SERGEF: variants seen among roughly 807,000 people sequenced by gnomAD.
SERGEF encodes the protein secretion regulating guanine nucleotide exchange factor.
A neutral mutation model predicts 50.0 loss-of-function variants in SERGEF; 51 were observed. That is an observed-to-expected ratio of 1.02 (90% CI 0.81 to 1.29). The LOEUF is 1.29. Among genes scored for constraint, SERGEF ranks in the 50% most tolerant of loss-of-function variants. The pLI is 0.00. For missense variants in SERGEF, 521 were observed against 557.0 expected (o/e 0.94, Z 0.65); for synonymous variants, 205 against 212.4 (o/e 0.97, Z 0.30).
chr11:17,984,513 C>A (rs1041687846), intron 8 of SERGEF, among the ~76,000 whole-genome samples: 1 of 152,210 alleles, frequency 6.6e-6, no homozygotes, highest in Non-Finnish European at 1.5e-5. Context: ...AATCACCTCC[C>A]ATCAGGCCCC....
At chr11:17,949,800 G>A (rs1434105739) in intron 9 of SERGEF, among the ~76,000 whole-genome samples, 1 of 152,148 alleles carries the variant, frequency 6.6e-6, no homozygotes, top group African/African-American at 2.4e-5. Flanking sequence ...GGTGGATAAT[G>A]ACACTACGCA....
intron 9 of SERGEF, among the ~76,000 whole-genome samples, chr11:17,889,873 T>C (rs75207521): frequency 0.021 from 3,161 of 151,918 alleles, 163 homozygotes; most frequent in East Asian, 0.2. Context: ...GTGGTGAAAG[T>C]TTAGAATAAT....
At chr11:17,996,652 G>A (rs934373358) in intron 5 of SERGEF, among the ~76,000 whole-genome samples, 2 of 152,150 alleles carry the variant, frequency 1.3e-5, no homozygotes, top group Non-Finnish European at 2.9e-5. Context: ...CAACATTAAG[G>A]TTCTGCTCCT....
intron 10 of SERGEF, among the ~76,000 whole-genome samples, chr11:17,860,930 C>T (rs1228868164): frequency 6.6e-6 from 1 of 152,182 alleles, no homozygotes; most frequent in Non-Finnish European, 1.5e-5. Flanking sequence ...AAGGGATCAT[C>T]ATGAGATGGT....
intron 10 of SERGEF, among the ~76,000 whole-genome samples, chr11:17,797,249 C>T (rs956709891): frequency 3.9e-5 from 6 of 152,216 alleles, no homozygotes; most frequent in African/African-American, 1.2e-4. Flanking sequence ...AGTGGCTTCT[C>T]CTGTTACTCA....
At chr11:17,914,587 T>A (rs1852013922) in intron 9 of SERGEF, among the ~76,000 whole-genome samples, 1 of 152,004 alleles carries the variant, frequency 6.6e-6, no homozygotes, top group Non-Finnish European at 1.5e-5. Context: ...CTCAGCTAAG[T>A]ATTTTATTTT....
At chr11:17,989,858 A>G (rs892234609) in intron 7 of SERGEF, among the ~76,000 whole-genome samples, 9 of 152,222 alleles carry the variant, frequency 5.9e-5, no homozygotes, top group Non-Finnish European at 1.0e-4. Flanking sequence ...GATATGGGTT[A>G]CATGTTGAAA....
intron 9 of SERGEF, among the ~76,000 whole-genome samples, chr11:17,882,418 C>CA (rs770460948): frequency 0.27 from 17,967 of 67,506 alleles, 1,768 homozygotes; most frequent in Middle Eastern, 0.39. Context: ...GAGTCAGTCT[C>CA]AAAAAAAAAA....
chr11:17,963,109 G>C (rs1322593530), intron 8 of SERGEF, among the ~76,000 whole-genome samples: 1 of 149,548 alleles, frequency 6.7e-6, no homozygotes, highest in Non-Finnish European at 1.5e-5. Context: ...TTGAACCTGG[G>C]AGGCAGAGGT....
At chr11:17,896,743 G>A (rs1851641948) in intron 9 of SERGEF, among the ~76,000 whole-genome samples, 2 of 130,348 alleles carry the variant, frequency 1.5e-5, no homozygotes, top group Non-Finnish European at 3.4e-5. Flanking sequence ...TAACGGAAGG[G>A]TAACGGAAGG....
intron 8 of SERGEF, among the ~76,000 whole-genome samples, chr11:17,972,675 C>A (rs1268093491): frequency 6.6e-6 from 1 of 152,114 alleles, no homozygotes; most frequent in Non-Finnish European, 1.5e-5. Flanking sequence ...AGTCTGGGAC[C>A]AAACCTGCAA....
intron 1 of SERGEF, among the ~76,000 whole-genome samples, chr11:18,009,609 G>A (rs969500015): frequency 6.6e-6 from 1 of 152,180 alleles, no homozygotes; most frequent in Non-Finnish European, 1.5e-5. Flanking sequence ...CAGTGAAAGA[G>A]GCTGGCAATG....
chr11:17,918,972 G>C (rs1852104277), intron 9 of SERGEF, among the ~76,000 whole-genome samples: 1 of 152,198 alleles, frequency 6.6e-6, no homozygotes, highest in African/African-American at 2.4e-5. Context: ...CCTCAGTAGG[G>C]AAGACTCTAA....
chr11:17,809,227 A>G lies in SERGEF; in HGVS notation c.1049-20814T>C, dbSNP rs553604067. Among the ~76,000 whole-genome samples the G allele has an allele frequency of 1.5e-3, 226 of 152,236 alleles. 2 individuals are homozygous for G. Among genetic ancestry groups the G allele is most frequent in the African/African-American group, 5.1e-3 (213 of 41,556 alleles). ...AAGACCTAGCTGGGGGAAGGAGGGG[A>G]TTGCAAAGATAATGGTGGTAGTTCC... On this transcript the variant is annotated intron_variant, in intron 10 of 10. Coordinates refer to ENST00000265965, the MANE Select transcript of SERGEF (RefSeq NM_012139.4).
chr11:17,942,571 CTTCTT>C (rs1301934876), intron 9 of SERGEF, among the ~76,000 whole-genome samples: 2 of 152,112 alleles, frequency 1.3e-5, no homozygotes, highest in African/African-American at 4.8e-5. Flanking sequence ...AGATTTACCT[CTTCTT>C]TTCTGATTTT....
intron 10 of SERGEF, among the ~76,000 whole-genome samples, chr11:17,860,238 A>C (rs565386591): frequency 1.9e-4 from 29 of 152,298 alleles, no homozygotes; most frequent in African/African-American, 6.7e-4. Flanking sequence ...AGTTAAAGGA[A>C]GGGGAAAATA....
chr11:17,934,889 A>G (rs768247925), intron 9 of SERGEF, among the ~76,000 whole-genome samples: 7 of 152,166 alleles, frequency 4.6e-5, no homozygotes, highest in Non-Finnish European at 1.0e-4. Flanking sequence ...CTTCAAATCC[A>G]TATCTAAGCA....
intron 8 of SERGEF, among the ~76,000 whole-genome samples, chr11:17,980,260 A>T (rs211113): frequency 0.94 from 143,720 of 152,246 alleles, 68,373 homozygotes; most frequent in South Asian, 1. Context: ...TTCAGGAGGG[A>T]CTTACCCAAA....
At chr11:17,969,589 A>G (rs1167005701) in intron 8 of SERGEF, among the ~76,000 whole-genome samples, 1 of 152,130 alleles carries the variant, frequency 6.6e-6, no homozygotes, top group Non-Finnish European at 1.5e-5. Flanking sequence ...GATTTTAAAG[A>G]AAATGAAAAT....
Sources: gnomAD v4.1 joint callset for allele counts (sites outside exome capture counted in the v4.1 genomes callset) on GRCh38, gnomAD v4.1.1 for gene constraint, MANE v1.5 for transcripts, NCBI Gene and HGNC (gene_info 2026-07-23, HGNC 2026-07-21) for gene names.